ENTREP2: variants seen among roughly 807,000 people sequenced by gnomAD.
ENTREP2 encodes protein ENTREP2.
At chr15:29,504,842 C>T in the ENTREP2 span, among the ~76,000 whole-genome samples, 1 of 152,156 alleles carries the variant, frequency 6.6e-6, no homozygotes, top group South Asian at 2.1e-4. Context: ...TGGTGTCTTC[C>T]ATGATGATAC....
At chr15:29,199,937 A>G in the ENTREP2 span, among the ~76,000 whole-genome samples, 2 of 152,206 alleles carry the variant, frequency 1.3e-5, no homozygotes, top group Non-Finnish European at 2.9e-5. Flanking sequence ...ATTTTTGCCT[A>G]TAGATGTCCA....
At chr15:29,417,570 C>T in the ENTREP2 span, among the ~76,000 whole-genome samples, 1 of 151,926 alleles carries the variant, frequency 6.6e-6, no homozygotes, top group Non-Finnish European at 1.5e-5. Context: ...GTGCAGCACA[C>T]CAACATGGCA....
chr15:29,538,210 A>C, the ENTREP2 span, among the ~76,000 whole-genome samples: 1 of 152,056 alleles, frequency 6.6e-6, no homozygotes, highest in Non-Finnish European at 1.5e-5. Context: ...GTGGGTGACT[A>C]TGCATGTGGT....
At chr15:29,551,072 A>G in the ENTREP2 span, among the ~76,000 whole-genome samples, 1 of 152,188 alleles carries the variant, frequency 6.6e-6, no homozygotes, top group African/African-American at 2.4e-5. Flanking sequence ...ACTGTAGTAA[A>G]TATCAATAGC....
chr15:29,227,656 AAGG>A, the ENTREP2 span, among the ~76,000 whole-genome samples: 5 of 152,118 alleles, frequency 3.3e-5, no homozygotes, highest in African/African-American at 1.2e-4. Flanking sequence ...CCAGGGAGAG[AAGG>A]AGAAGACGGA....
chr15:29,511,336 T>C, the ENTREP2 span, among the ~76,000 whole-genome samples: 943 of 114,610 alleles, frequency 8.2e-3, 4 homozygotes, highest in African/African-American at 0.033. Flanking sequence ...CTTCTTCTTT[T>C]TTCTTTTCTT....
chr15:29,635,353 G>C, the ENTREP2 span, among the ~76,000 whole-genome samples: 1 of 152,160 alleles, frequency 6.6e-6, no homozygotes, highest in Non-Finnish European at 1.5e-5. Context: ...AGTTGCTAAG[G>C]ATTTCAAGAG....
chr15:29,412,080 GGTT>G, the ENTREP2 span, among the ~76,000 whole-genome samples: 2 of 151,814 alleles, frequency 1.3e-5, no homozygotes, highest in African/African-American at 4.8e-5. Flanking sequence ...TTTACAATTA[GGTT>G]GTTAAGTCTT....
chr15:29,385,546 C>T, the ENTREP2 span, among the ~76,000 whole-genome samples: 2 of 152,232 alleles, frequency 1.3e-5, no homozygotes, highest in Non-Finnish European at 2.9e-5. Flanking sequence ...CCTGGCCTTA[C>T]AGAATGCTCT....
the ENTREP2 span, among the ~76,000 whole-genome samples, chr15:29,281,987 C>T: frequency 6.6e-6 from 1 of 152,150 alleles, no homozygotes; most frequent in African/African-American, 2.4e-5. Context: ...TTACCTGGGA[C>T]CTGAGAAAGG....
chr15:29,277,057 A>G, the ENTREP2 span, among the ~76,000 whole-genome samples: 2 of 152,250 alleles, frequency 1.3e-5, no homozygotes, highest in African/African-American at 4.8e-5. Context: ...TGGAAAGTAT[A>G]TATGGGCCAG....
the ENTREP2 span, among the ~76,000 whole-genome samples, chr15:29,446,479 A>G: frequency 1.3e-5 from 2 of 152,206 alleles, no homozygotes; most frequent in African/African-American, 4.8e-5. Flanking sequence ...GAAGCCCTGC[A>G]GTAATCCTGA....
chr15:29,401,984 CT>C, the ENTREP2 span, among the ~76,000 whole-genome samples: 1 of 152,048 alleles, frequency 6.6e-6, no homozygotes, highest in Admixed American at 6.6e-5. Flanking sequence ...CAATCGGAAA[CT>C]AGATTAAGGA....
chr15:29,120,825 C>G, the ENTREP2 span: 1 of 152,284 alleles, frequency 6.6e-6, no homozygotes, highest in African/African-American at 2.4e-5. Context: ...TGACGTGCAG[C>G]CCGGGGCCTG....
the ENTREP2 span, among the ~76,000 whole-genome samples, chr15:29,133,889 T>C: frequency 3.3e-5 from 5 of 152,126 alleles, no homozygotes; most frequent in African/African-American, 1.2e-4. Context: ...TCCGAGACTC[T>C]TTACGGACGA....
At chr15:29,631,171 G>C in the ENTREP2 span, among the ~76,000 whole-genome samples, 4 of 152,032 alleles carry the variant, frequency 2.6e-5, no homozygotes, top group African/African-American at 7.2e-5. Flanking sequence ...CTTGTTTCAG[G>C]AGTATTTGTA....
At chr15:29,160,708 CAAAAAAAAA>C in the ENTREP2 span, among the ~76,000 whole-genome samples, 1 of 36,268 alleles carries the variant, frequency 2.8e-5, no homozygotes, top group Non-Finnish European at 5.6e-5. Flanking sequence ...GACTCTGTCT[CAAAAAAAAA>C]AAAAAAAAAA....
the ENTREP2 span, among the ~76,000 whole-genome samples, chr15:29,207,823 TG>T: frequency 4.3e-4 from 65 of 152,236 alleles, no homozygotes; most frequent in African/African-American, 1.2e-3. Context: ...CTGCCAGGCC[TG>T]GGGACAAAGC....
chr15:29,620,763 CTG>C, the ENTREP2 span, among the ~76,000 whole-genome samples: 1 of 152,176 alleles, frequency 6.6e-6, no homozygotes, highest in Non-Finnish European at 1.5e-5. Flanking sequence ...TTCTGAGCCA[CTG>C]TCCCCTGTCC....
Sources: gnomAD v4.1 joint callset for allele counts (sites outside exome capture counted in the v4.1 genomes callset) on GRCh38, gnomAD v4.1.1 for gene constraint, MANE v1.5 for transcripts, NCBI Gene and HGNC (gene_info 2026-07-23, HGNC 2026-07-21) for gene names.